TSHZ1: variants seen among roughly 807,000 people sequenced by gnomAD.
TSHZ1 encodes the protein teashirt zinc finger homeobox 1.
A neutral mutation model predicts 67.1 loss-of-function variants in TSHZ1; 12 were observed. That is an observed-to-expected ratio of 0.18 (90% CI 0.11 to 0.29). The LOEUF is 0.29. Among genes scored for constraint, TSHZ1 ranks in the 10% least tolerant of loss-of-function variants. TSHZ1 has a pLI of 1.00. For missense variants in TSHZ1, 1,305 were observed against 1,413.9 expected, an observed-to-expected ratio of 0.92 and a Z score of 1.23; for synonymous variants, 632 against 622.4, an observed-to-expected ratio of 1.02 and a Z score of -0.23.
chr18:75,282,278 C>T (rs960879522), intron 1 of TSHZ1, among the ~76,000 whole-genome samples: 1 of 152,142 alleles, frequency 6.6e-6, no homozygotes, highest in Non-Finnish European at 1.5e-5. Context: ...GAGGCCATCA[C>T]CATGTGAGAT....
intron 1 of TSHZ1, among the ~76,000 whole-genome samples, chr18:75,254,355 A>C (rs560900984): frequency 5.3e-5 from 8 of 152,324 alleles, no homozygotes; most frequent in Middle Eastern, 3.4e-3. Flanking sequence ...TCTTTTTGAA[A>C]CATAGTAAAA....
At chr18:75,254,861 A>C (rs2896996) in intron 1 of TSHZ1, among the ~76,000 whole-genome samples, 92,429 of 151,998 alleles carry the variant, frequency 0.61, 28,143 homozygotes, top group South Asian at 0.7. Context: ...TGTAGATTTT[A>C]TGTAGATTTT....
intron 1 of TSHZ1, among the ~76,000 whole-genome samples, chr18:75,272,223 C>T (rs900395367): frequency 6.6e-6 from 1 of 152,212 alleles, no homozygotes; most frequent in Non-Finnish European, 1.5e-5. Context: ...AGGAAGAGCA[C>T]GCAGGTCTGA....
chr18:75,247,863 CTT>C (rs34014801), intron 1 of TSHZ1, among the ~76,000 whole-genome samples: 9 of 143,012 alleles, frequency 6.3e-5, no homozygotes, highest in Non-Finnish European at 3.0e-5. Flanking sequence ...TCAGACCTTA[CTT>C]TTTTTTTTTT....
intron 1 of TSHZ1, among the ~76,000 whole-genome samples, chr18:75,269,211 C>G (rs1388976078): frequency 2.0e-5 from 3 of 152,190 alleles, no homozygotes; most frequent in Non-Finnish European, 2.9e-5. Flanking sequence ...AAGCCACAGC[C>G]TCAGTGCATT....
At chr18:75,241,284 G>T (rs1049887265) in intron 1 of TSHZ1, among the ~76,000 whole-genome samples, 2 of 152,084 alleles carry the variant, frequency 1.3e-5, no homozygotes, top group African/African-American at 4.8e-5. Flanking sequence ...GCATGTTTCT[G>T]GGATTAGAAG....
At chr18:75,228,677 G>A (rs980588277) in intron 1 of TSHZ1, among the ~76,000 whole-genome samples, 10 of 152,184 alleles carry the variant, frequency 6.6e-5, no homozygotes, top group African/African-American at 9.7e-5. Flanking sequence ...GGATGGCAGC[G>A]CTATTGACAT....
rs2022862171 is a variant in TSHZ1, at chr18:75,222,618, GT to G, written c.40+10706del. Among the ~76,000 whole-genome samples the G allele has an allele frequency of 5.9e-5, 9 of 152,130 alleles. No individual in the cohort carries two copies. The South Asian group carries it at 1.9e-3, about 32-fold the overall frequency. ...CCCTGTCCTGAGATCATGGGAGGGG[GT>G]TTTCGTCCTCCTCCTCTCTGGCTTA... is the stretch of plus-strand genomic sequence containing the variant. On this transcript the variant is annotated intron_variant, in intron 1 of 1. Coordinates refer to ENST00000580243, the MANE Select transcript of TSHZ1 (RefSeq NM_001308210.2).
intron 1 of TSHZ1, among the ~76,000 whole-genome samples, chr18:75,228,834 C>T (rs544147824): frequency 5.9e-5 from 9 of 152,286 alleles, no homozygotes; most frequent in East Asian, 5.8e-4. Context: ...TCCAGGAGCA[C>T]GGATCCCAGC....
chr18:75,216,911 A>G (rs1036089278), intron 1 of TSHZ1, among the ~76,000 whole-genome samples: 8 of 152,042 alleles, frequency 5.3e-5, no homozygotes, highest in African/African-American at 1.9e-4. Context: ...CTGCCTGTGC[A>G]TTTTCACTCC....
chr18:75,269,682 C>T (rs1367560144), intron 1 of TSHZ1, among the ~76,000 whole-genome samples: 3 of 152,158 alleles, frequency 2.0e-5, no homozygotes, highest in African/African-American at 4.8e-5. Flanking sequence ...TCTTATTAAG[C>T]GTACAGTTCA....
In TSHZ1 at chr18:75,287,231, C is replaced by T. The variant is rs749431944; in HGVS notation, c.1824C>T (p.Gly608=). The T allele has an allele frequency of 8.1e-6, 13 of 1,613,754 alleles. No homozygotes were observed. Among genetic ancestry groups the T allele is most frequent in the African/African-American group, 2.7e-5 (2 of 74,910 alleles). The part of the protein sequence containing the change: ...SVQVQPSYAG[G]VKSLSSAEHN... ...AGGTGCAGCCGTCCTATGCTGGCGG[C>T]GTGAAGTCGCTGTCTTCCGCCGAGC... The change falls in exon 2 of 2, where the codon GGC becomes GGT. Residue 608 remains glycine, a synonymous_variant. Coordinates refer to ENST00000580243, the MANE Select transcript of TSHZ1 (RefSeq NM_001308210.2). This position sits in a 1 kb window ranked among gnomAD's most constrained non-coding sequence, Gnocchi z 5.0.
intron 1 of TSHZ1, among the ~76,000 whole-genome samples, chr18:75,222,213 A>G (rs986265836): frequency 4.0e-5 from 6 of 149,896 alleles, no homozygotes; most frequent in African/African-American, 1.5e-4. Context: ...TTGCAGTGGA[A>G]AAGTTGCCTG....
chr18:75,279,382 G>C (rs1376090518), intron 1 of TSHZ1, among the ~76,000 whole-genome samples: 1 of 152,234 alleles, frequency 6.6e-6, no homozygotes, highest in Non-Finnish European at 1.5e-5. Context: ...TATGATAAAA[G>C]TATAAATGCC....
chr18:75,214,164 G>A (rs1439897267), intron 1 of TSHZ1, among the ~76,000 whole-genome samples: 2 of 152,182 alleles, frequency 1.3e-5, no homozygotes, highest in Admixed American at 1.3e-4. Context: ...CTCATAAAAA[G>A]CATTAACGTG....
At chr18:75,280,749 G>A in intron 1 of TSHZ1, 1 of 985,482 alleles carries the variant, frequency 1.0e-6, no homozygotes, top group South Asian at 4.7e-5. Context: ...TCAACCCAGA[G>A]GCGCAGGAGC....
intron 1 of TSHZ1, among the ~76,000 whole-genome samples, chr18:75,238,777 C>T (rs9961901): frequency 0.02 from 3,097 of 152,270 alleles, 79 homozygotes; most frequent in African/African-American, 0.057. Flanking sequence ...CACAACAGAA[C>T]AAATCTTAAA....
intron 1 of TSHZ1, among the ~76,000 whole-genome samples, chr18:75,233,825 G>GCATC (rs1223556948): frequency 1.3e-5 from 2 of 152,160 alleles, no homozygotes; most frequent in African/African-American, 4.8e-5. Flanking sequence ...TTTCTAGCGA[G>GCATC]CATCCGCACG....
At chr18:75,251,003 C>G (rs966876354) in intron 1 of TSHZ1, among the ~76,000 whole-genome samples, 1 of 152,228 alleles carries the variant, frequency 6.6e-6, no homozygotes, top group Non-Finnish European at 1.5e-5. Flanking sequence ...TAACCCCATG[C>G]ACAGGAGTTA....
Sources: gnomAD v4.1 joint callset for allele counts (sites outside exome capture counted in the v4.1 genomes callset) on GRCh38, gnomAD v4.1.1 for gene constraint, Gnocchi (gnomAD v3.1) non-coding constraint, MANE v1.5 for transcripts, NCBI Gene and HGNC (gene_info 2026-07-23, HGNC 2026-07-21) for gene names.